Variants in PARD3B observed in about 807,000 individuals in gnomAD.
PARD3B encodes the protein partitioning defective 3 homolog B.
In PARD3B, 103 loss-of-function variants were observed where a neutral mutation model predicts 130.2. The ratio of observed to expected loss-of-function variants is 0.79; its 90% CI spans 0.67 to 0.93. The LOEUF (loss-of-function observed/expected upper bound fraction) is 0.93. PARD3B is among the 40% of genes least tolerant of loss of function. The pLI is 0.00. For synonymous variants in PARD3B, 583 were observed against 553.2 expected (o/e 1.05, Z -0.76); for missense variants, 1,609 against 1,499.2 (o/e 1.07, Z -1.21).
chr2:205,137,004 A>G (rs745743064), intron 10 of PARD3B, among the ~76,000 whole-genome samples: 1 of 152,318 alleles, frequency 6.6e-6, no homozygotes, highest in Non-Finnish European at 1.5e-5. Flanking sequence ...GTACTAAAAC[A>G]TGATTCTTTA....
intron 11 of PARD3B, 100 bp downstream of exon 11, chr2:205,159,007 C>G: frequency 2.3e-6 from 3 of 1,280,788 alleles, no homozygotes; most frequent in Non-Finnish European, 3.3e-6. Context: ...AGACTTGAGG[C>G]CACTGAGACT....
intron 12 of PARD3B, among the ~76,000 whole-genome samples, chr2:205,174,948 G>A (rs1048270748): frequency 6.6e-6 from 1 of 152,168 alleles, no homozygotes; most frequent in African/African-American, 2.4e-5. Flanking sequence ...TGAGCCTAGA[G>A]ACTTGGTATT....
chr2:205,174,815 T>G (rs978708488), intron 12 of PARD3B, among the ~76,000 whole-genome samples: 4 of 152,220 alleles, frequency 2.6e-5, no homozygotes, highest in African/African-American at 7.2e-5. Flanking sequence ...GTACAAGATA[T>G]GTAAACAGTT....
intron 21 of PARD3B, among the ~76,000 whole-genome samples, chr2:205,521,358 A>G (rs58760732): frequency 0.059 from 8,989 of 151,984 alleles, 417 homozygotes; most frequent in South Asian, 0.13. Flanking sequence ...AACTTGTTAA[A>G]GTTCTTGATG....
intron 1 of PARD3B, among the ~76,000 whole-genome samples, chr2:204,637,535 T>C (rs765318156): frequency 2.8e-4 from 42 of 152,224 alleles, no homozygotes; most frequent in Non-Finnish European, 5.1e-4. Flanking sequence ...ATTTTTACTA[T>C]TGTAAATACT....
chr2:205,547,786 T>TAAAC (rs1279099839), intron 21 of PARD3B, among the ~76,000 whole-genome samples: 2 of 152,188 alleles, frequency 1.3e-5, no homozygotes, highest in Non-Finnish European at 2.9e-5. Context: ...CTTGCCATAA[T>TAAAC]AAACAGCGGA....
intron 18 of PARD3B, among the ~76,000 whole-genome samples, chr2:205,374,337 G>A (rs575537080): frequency 3.1e-4 from 47 of 152,124 alleles, no homozygotes; most frequent in Non-Finnish European, 6.0e-4. Flanking sequence ...CTTGGGTCCC[G>A]GTTCAAGCAA....
At chr2:204,822,555 G>C (rs975047925) in intron 2 of PARD3B, among the ~76,000 whole-genome samples, 1 of 152,162 alleles carries the variant, frequency 6.6e-6, no homozygotes, top group Admixed American at 6.5e-5. Context: ...GTATCTATTT[G>C]TATAATAAAC....
At chr2:204,864,274 T>G (rs1355142371) in intron 2 of PARD3B, among the ~76,000 whole-genome samples, 1 of 152,170 alleles carries the variant, frequency 6.6e-6, no homozygotes, top group Non-Finnish European at 1.5e-5. Context: ...TTTTCCATGA[T>G]AAAACCATCC....
In PARD3B at chr2:205,421,012, G is replaced by T. The variant is rs1192159104; in HGVS notation, c.2742-19358G>T. Among the ~76,000 whole-genome samples, 6 of 152,046 alleles carry T rather than the reference G, an allele frequency of 3.9e-5. No homozygotes were observed. Among genetic ancestry groups the T allele is most frequent in the African/African-American group, 1.4e-4 (6 of 41,380 alleles). On this transcript the variant is annotated intron_variant, in intron 19 of 22. Transcript: ENST00000406610. This position sits in a 1 kb window ranked among gnomAD's most constrained non-coding sequence, Gnocchi z 5.1. Reference sequence around the variant, plus strand: ...AAAAATTAGCTGGATGTGGTGGGGCGTGCCCATAGTCCCAGCTACTCGGGG... The same window carrying T: ...AAAAATTAGCTGGATGTGGTGGGGCTTGCCCATAGTCCCAGCTACTCGGGG...
chr2:205,217,959 A>G (rs2038038963), intron 15 of PARD3B, among the ~76,000 whole-genome samples: 1 of 143,868 alleles, frequency 7.0e-6, no homozygotes, highest in Admixed American at 7.1e-5. Context: ...GCAATGGTAC[A>G]ATGGCTCACT....
chr2:205,054,430 ATATATATTTTTT>A (rs1171342290), intron 4 of PARD3B, among the ~76,000 whole-genome samples: 4,248 of 37,454 alleles, frequency 0.11, 182 homozygotes, highest in Non-Finnish European at 0.12. Flanking sequence ...ATATATATAT[ATATATATTTTTT>A]TTTTTTTTTT....
In PARD3B at chr2:205,292,137, G is replaced by A. The variant is rs76148990; in HGVS notation, c.2186-8393G>A. On this transcript the variant is annotated intron_variant, in intron 16 of 22. Transcript: ENST00000406610. This position sits in a 1 kb window ranked among gnomAD's most constrained non-coding sequence, Gnocchi z 5.3. ...CTCCAGTGGGACCCAGTGTAGCATG[G>A]GTCACAGAGGCTATCCCTCCCAAGG... Among the ~76,000 whole-genome samples the A allele has an allele frequency of 0.033, 4,978 of 152,216 alleles. 234 individuals carry two copies. The highest frequency in any genetic ancestry group is 0.11 in the African/African-American group (4,527 of 41,534).
At chr2:205,522,098 T>C (rs1229914546) in intron 21 of PARD3B, among the ~76,000 whole-genome samples, 1 of 151,686 alleles carries the variant, frequency 6.6e-6, no homozygotes, top group Admixed American at 6.6e-5. Context: ...CTTTACCAAA[T>C]AATATATTTA....
chr2:204,618,159 A>C (rs145906393), intron 1 of PARD3B, among the ~76,000 whole-genome samples: 1 of 152,144 alleles, frequency 6.6e-6, no homozygotes, highest in Non-Finnish European at 1.5e-5. Context: ...AACATTTCTT[A>C]TCTGAACTGC....
At chr2:205,349,245 G>A (rs2043904653) in intron 18 of PARD3B, among the ~76,000 whole-genome samples, 1 of 152,152 alleles carries the variant, frequency 6.6e-6, no homozygotes, top group Non-Finnish European at 1.5e-5. Flanking sequence ...CTTTTGCACT[G>A]TTACATTGGC....
chr2:204,709,857 C>G (rs571908695), intron 2 of PARD3B, among the ~76,000 whole-genome samples: 1 of 152,156 alleles, frequency 6.6e-6, no homozygotes, highest in South Asian at 2.1e-4. Context: ...TTGCTAATAG[C>G]CAAAGGATTA....
intron 4 of PARD3B, among the ~76,000 whole-genome samples, chr2:205,090,915 C>T (rs192486877): frequency 1.3e-5 from 2 of 152,180 alleles, no homozygotes; most frequent in African/African-American, 2.4e-5. Flanking sequence ...CAATTTCATC[C>T]TCTACCAGTT....
chr2:205,300,819 G>T lies in PARD3B; in HGVS notation c.2392+83G>T. 1 of 1,303,624 alleles carries T rather than the reference G, an allele frequency of 7.7e-7. No individual in the cohort carries two copies. The highest frequency in any genetic ancestry group is 1.1e-6 in the Non-Finnish European group (1 of 941,150). 80.8% of individuals were successfully genotyped at this position (1,303,624 alleles called of 1,614,324 possible). ...GGGCAAGAATGTGTGCTCAACTACAGAAAAAAATGATTTAAGGATCACAAT... is the reference window on the plus strand; with the variant it reads ...GGGCAAGAATGTGTGCTCAACTACATAAAAAAATGATTTAAGGATCACAAT... On this transcript the variant is annotated intron_variant, in intron 17 of 22. Transcript: ENST00000406610. This position sits in a 1 kb window ranked among gnomAD's most constrained non-coding sequence, Gnocchi z 4.1.
Sources: allele counts gnomAD v4.1 joint callset (sites outside exome capture counted in the v4.1 genomes callset), GRCh38; gene constraint gnomAD v4.1.1; non-coding constraint Gnocchi (gnomAD v3.1); transcripts MANE v1.5; gene names NCBI Gene and HGNC (gene_info 2026-07-23, HGNC 2026-07-21).